DNAH3: variants seen among roughly 807,000 people sequenced by gnomAD.
DNAH3 encodes axonemal beta dynein heavy chain 3.
Under a neutral mutation model 432.5 loss-of-function variants are expected in DNAH3, and 332 were observed. The observed-to-expected ratio is 0.77, with a 90% CI of 0.70 to 0.84. DNAH3 has a LOEUF of 0.84. Among genes scored for constraint, DNAH3 ranks in the 40% least tolerant of loss-of-function variants. The pLI is 0.00. For synonymous variants in DNAH3, 1,956 were observed against 1,900.2 expected (o/e 1.03, Z -0.76); for missense variants, 4,861 against 5,114.0 (o/e 0.95, Z 1.51).
chr16:20,985,408 T>C (rs751887810), exon 48 of DNAH3: 5 of 1,614,052 alleles, frequency 3.1e-6, no homozygotes, highest in East Asian at 4.5e-5. Context: ...TGTGGACAGT[T>C]TGGCGGCACT....
chr16:21,054,591 C>G (rs1420312435), intron 27 of DNAH3, 57 bp from the exon 28 acceptor site: 1 of 1,345,794 alleles, frequency 7.4e-7, no homozygotes, highest in African/African-American at 1.4e-5. Flanking sequence ...CTGGTAATCC[C>G]CATGTCAAGA....
chr16:21,035,550 A>G (rs563195307), intron 35 of DNAH3, among the ~76,000 whole-genome samples: 1 of 148,206 alleles, frequency 6.7e-6, no homozygotes, highest in South Asian at 2.1e-4. Flanking sequence ...GGATGGACGG[A>G]TGGATAAAAA....
intron 42 of DNAH3, 150 bp from the exon 43 acceptor site, chr16:21,000,668 T>C: frequency 1.6e-6 from 1 of 636,342 alleles, no homozygotes; most frequent in Admixed American, 3.1e-5. Flanking sequence ...GGGCCTCAGT[T>C]TCTTCATCTG....
chr16:20,997,835 T>TTA (rs1555524246), intron 43 of DNAH3, among the ~76,000 whole-genome samples: 4 of 74,556 alleles, frequency 5.4e-5, no homozygotes, highest in Non-Finnish European at 8.5e-5. Context: ...CCTGTCTCCA[T>TTA]AAAAAAAAAA....
At chr16:21,134,229 G>T (rs369111243) in intron 7 of DNAH3, 30 bp downstream of exon 8, 66 of 1,594,560 alleles carry the variant, frequency 4.1e-5, no homozygotes, top group Middle Eastern at 1.8e-4. Context: ...TCAAGAAAGG[G>T]AATGAAAAAA....
chr16:21,097,143 T>G (rs963741172), intron 18 of DNAH3, among the ~76,000 whole-genome samples: 1 of 152,212 alleles, frequency 6.6e-6, no homozygotes, highest in African/African-American at 2.4e-5. Flanking sequence ...CTGCCTATTG[T>G]GTTTTACCCT....
In DNAH3 at chr16:21,118,675, G is replaced by A. The variant is rs2092264619; in HGVS notation, c.1700-1358C>T. Among the ~76,000 whole-genome samples the A allele has an allele frequency of 2.0e-5, 3 of 152,226 alleles. No individual in the cohort carries two copies. The South Asian group carries it at 6.2e-4, about 32-fold the overall frequency. On this transcript the variant is annotated intron_variant, in intron 11 of 61. Coordinates refer to ENST00000261383, the Ensembl canonical transcript of DNAH3. The stretch of plus-strand genomic sequence containing the variant: ...CAGGTTGGTCTTGAACTGGTGGTCT[G>A]GCTTCACAACTTTCAGAAAATGGAG...
At chr16:20,989,478 C>G (rs917364816) in intron 44 of DNAH3, among the ~76,000 whole-genome samples, 2 of 152,156 alleles carry the variant, frequency 1.3e-5, no homozygotes, top group African/African-American at 2.4e-5. Flanking sequence ...ACTCACAAAC[C>G]TTCAGCTAAA....
At chr16:21,106,776 T>A in intron 14 of DNAH3, 102 bp from the exon 15 acceptor site, 2 of 1,057,828 alleles carry the variant, frequency 1.9e-6, no homozygotes, top group South Asian at 3.5e-5. Flanking sequence ...ACATAATTCC[T>A]ATTTGAAAAA....
In DNAH3 at chr16:20,970,836, G is replaced by A. The variant is rs2085305185; in HGVS notation, c.8260-846C>T. On this transcript the variant is annotated intron_variant, in intron 51 of 61. Coordinates refer to ENST00000261383, the Ensembl canonical transcript of DNAH3. The stretch of plus-strand genomic sequence containing the variant: ...TGCTCTTCCAGTCTTTGTCTTCCCA[G>A]TATGGATTTCTTTTCTTTTCTCTAT... Among the ~76,000 whole-genome samples, 5 of 149,684 alleles carry A rather than the reference G, an allele frequency of 3.3e-5. No individual in the cohort carries two copies. In the South Asian group the frequency reaches 1.1e-3, roughly 32 times the overall value.
At chr16:20,989,694 G>T (rs556039681) in intron 44 of DNAH3, among the ~76,000 whole-genome samples, 1 of 152,256 alleles carries the variant, frequency 6.6e-6, no homozygotes, top group Admixed American at 6.5e-5. Context: ...GGAGCAGGGG[G>T]TGGTGCTCGT....
intron 34 of DNAH3, 150 bp downstream of exon 34, chr16:21,037,611 A>G: frequency 1.5e-6 from 1 of 647,120 alleles, no homozygotes. Flanking sequence ...CACTCTTATT[A>G]TTTAACATTT....
Position 21,054,552 on chromosome 16 carries a change from G to A in DNAH3, c.3925-18C>T. The A allele has an allele frequency of 1.9e-6, 3 of 1,576,898 alleles. No homozygotes were observed. Among genetic ancestry groups the A allele is most frequent in the Non-Finnish European group, 2.6e-6 (3 of 1,147,254 alleles). On this transcript the variant is annotated intron_variant, in intron 27 of 61. Transcript: ENST00000261383. ...AGAAAATCCTGGAAGGGGCAGAGGA[G>A]GGGACAACTGGTTACATTTGACTCT... is the stretch of plus-strand genomic sequence containing the variant.
intron 37 of DNAH3, among the ~76,000 whole-genome samples, chr16:21,029,140 C>A (rs1436320164): frequency 1.3e-5 from 2 of 152,156 alleles, no homozygotes; most frequent in Middle Eastern, 3.2e-3. Flanking sequence ...ATCTCAAGAC[C>A]AACCGATACA....
chr16:21,071,471 G>A (rs1223647729), intron 21 of DNAH3, among the ~76,000 whole-genome samples: 1 of 152,116 alleles, frequency 6.6e-6, no homozygotes, highest in Non-Finnish European at 1.5e-5. Flanking sequence ...ACTGCATCCA[G>A]CTACCTCCCC....
chr16:21,062,377 TC>T, intron 25 of DNAH3, 104 bp downstream of exon 25: 1 of 884,778 alleles, frequency 1.1e-6, no homozygotes, highest in East Asian at 2.5e-5. Context: ...ACCCAAGTGT[TC>T]CATACCCCAG....
At chr16:21,128,691 T>TAAAA (rs11074482) in intron 7 of DNAH3, among the ~76,000 whole-genome samples, 1 of 138,520 alleles carries the variant, frequency 7.2e-6, no homozygotes. Flanking sequence ...GAGACTCGTC[T>TAAAA]AAAAAAAAAA....
At position 21,022,051 on chromosome 16, in the gene DNAH3, C is replaced by T. The variant is rs1410835335; in HGVS notation, c.5696G>A (p.Arg1899His). Residue 1899 changes from arginine (R) to histidine (H), a missense_variant, in exon 40 of 62, where the codon CGC becomes CAC. Transcript: ENST00000261383. The stretch of plus-strand genomic sequence containing the variant: ...CTGGACAACAAATTTACAATGAAGG[C>T]GACCAAATTCCAGGCAGGGCTGGAC... 12 of 1,613,808 alleles carry T rather than the reference C, an allele frequency of 7.4e-6. No individual in the cohort carries two copies. Among genetic ancestry groups the T allele is most frequent in the South Asian group, 2.2e-5 (2 of 91,072 alleles).
At chr16:20,933,816 C>T (rs1294445356) in intron 61 of DNAH3, among the ~76,000 whole-genome samples, 3 of 152,168 alleles carry the variant, frequency 2.0e-5, no homozygotes, top group African/African-American at 7.2e-5. Flanking sequence ...CTTTCTGGAT[C>T]TGGATTTATA....
Sources: allele counts gnomAD v4.1 joint callset (sites outside exome capture counted in the v4.1 genomes callset), GRCh38; gene constraint gnomAD v4.1.1; transcripts MANE v1.5; gene names NCBI Gene and HGNC (gene_info 2026-07-23, HGNC 2026-07-21).